TAF4: variants seen among roughly 807,000 people sequenced by gnomAD.
TAF4 encodes transcription initiation factor TFIID subunit 4.
A neutral mutation model predicts 90.3 loss-of-function variants in TAF4; 9 were observed. The observed-to-expected ratio is 0.10, with a 90% CI of 0.06 to 0.17. The LOEUF (loss-of-function observed/expected upper bound fraction) is 0.17. Among genes scored for constraint, TAF4 ranks in the 10% least tolerant of loss-of-function variants. TAF4 has a pLI of 1.00. For synonymous variants in TAF4, 818 were observed against 638.9 expected, an observed-to-expected ratio of 1.28 and a Z score of -4.23; for missense variants, 1,351 against 1,370.7, an observed-to-expected ratio of 0.99 and a Z score of 0.23.
intron 1 of TAF4, among the ~76,000 whole-genome samples, chr20:62,025,686 T>G (rs2055870727): frequency 6.6e-6 from 1 of 152,220 alleles, no homozygotes; most frequent in Non-Finnish European, 1.5e-5. Context: ...TGTGGAACTG[T>G]GAGTCAATTC....
intron 14 of TAF4, chr20:61,978,868 G>C (rs899244873): frequency 1.3e-5 from 2 of 153,026 alleles, no homozygotes; most frequent in African/African-American, 4.8e-5. Context: ...GATTCTGTGA[G>C]TTTTATCAAT....
At chr20:62,016,875 C>T (rs1221643268) in intron 1 of TAF4, among the ~76,000 whole-genome samples, 1 of 152,144 alleles carries the variant, frequency 6.6e-6, no homozygotes. Context: ...TGTGGTGGCT[C>T]ACACCTGAAA....
chr20:61,992,799 G>A (rs890382156), intron 14 of TAF4, among the ~76,000 whole-genome samples: 2 of 152,116 alleles, frequency 1.3e-5, no homozygotes, highest in African/African-American at 4.8e-5. Flanking sequence ...ACGTCCAGAC[G>A]GCAAGGACAT....
chr20:62,062,007 C>T (rs559152786), intron 1 of TAF4, among the ~76,000 whole-genome samples: 2 of 152,202 alleles, frequency 1.3e-5, no homozygotes, highest in African/African-American at 2.4e-5. Context: ...AAGACCTCCA[C>T]GGAGGGAAGG....
At chr20:61,998,089 A>G in intron 13 of TAF4, 47 bp downstream of exon 13, 1 of 1,594,698 alleles carries the variant, frequency 6.3e-7, no homozygotes, top group Non-Finnish European at 8.6e-7. Flanking sequence ...GGGGCGCTAC[A>G]GTGCACAGCA....
intron 14 of TAF4, among the ~76,000 whole-genome samples, chr20:61,979,546 G>A (rs1224656865): frequency 6.8e-6 from 1 of 147,560 alleles, no homozygotes; most frequent in Non-Finnish European, 1.5e-5. Context: ...AGGCGCCATG[G>A]CCACTCCAGA....
At chr20:62,031,544 C>T (rs2055904424) in intron 1 of TAF4, among the ~76,000 whole-genome samples, 1 of 152,200 alleles carries the variant, frequency 6.6e-6, no homozygotes, top group Non-Finnish European at 1.5e-5. Context: ...TTTGGGCATT[C>T]CCTTTGCCTT....
chr20:62,049,641 C>A (rs183448630), intron 1 of TAF4, among the ~76,000 whole-genome samples: 4,110 of 152,034 alleles, frequency 0.027, 204 homozygotes, highest in African/African-American at 0.094. Flanking sequence ...CTGCCCCAGC[C>A]CCGCACCCTG....
chr20:62,017,128 G>C (rs2055816376), intron 1 of TAF4, among the ~76,000 whole-genome samples: 1 of 151,154 alleles, frequency 6.6e-6, no homozygotes, highest in Admixed American at 6.6e-5. Context: ...ACCACAGAGT[G>C]AGACCCCATC....
At chr20:62,000,868 T>G in intron 9 of TAF4, 147 bp from the exon 10 acceptor site, 2 of 775,692 alleles carry the variant, frequency 2.6e-6, no homozygotes, top group Non-Finnish European at 4.1e-6. Flanking sequence ...ACCTGCTGCA[T>G]CTGCCACAGC....
intron 14 of TAF4, chr20:61,980,128 C>G (rs2055530105): frequency 6.6e-6 from 1 of 152,422 alleles, no homozygotes; most frequent in African/African-American, 2.4e-5. Flanking sequence ...AGGTCCCCAC[C>G]TCTGACGCAT....
At chr20:61,990,437 C>T (rs529641214) in intron 14 of TAF4, among the ~76,000 whole-genome samples, 2 of 152,272 alleles carry the variant, frequency 1.3e-5, no homozygotes, top group South Asian at 2.1e-4. Flanking sequence ...AAAAGAGCAA[C>T]GACACAGCAA....
chr20:61,988,264 C>T (rs999638503), intron 14 of TAF4, among the ~76,000 whole-genome samples: 2 of 90,952 alleles, frequency 2.2e-5, no homozygotes, highest in South Asian at 6.5e-4. Context: ...ACGCACCACC[C>T]GGCCAAGCGG....
chr20:62,021,612 C>T (rs1415131202), intron 1 of TAF4, among the ~76,000 whole-genome samples: 2 of 152,234 alleles, frequency 1.3e-5, no homozygotes, highest in African/African-American at 4.8e-5. Flanking sequence ...CAGACGGTCG[C>T]TAGCTGACAC....
chr20:61,977,482 T>C (rs1178317447), intron 14 of TAF4, among the ~76,000 whole-genome samples: 3 of 152,202 alleles, frequency 2.0e-5, no homozygotes, highest in African/African-American at 7.2e-5. Context: ...AGCCCTGACA[T>C]GGCCCCGCCC....
intron 1 of TAF4, among the ~76,000 whole-genome samples, chr20:62,048,193 G>A (rs1017006138): frequency 1.3e-4 from 20 of 152,218 alleles, no homozygotes; most frequent in Non-Finnish European, 2.9e-5. Flanking sequence ...GCAGGCTGGC[G>A]CGTGCCTGCC....
At chr20:62,023,260 G>A (rs2055853951) in intron 1 of TAF4, among the ~76,000 whole-genome samples, 1 of 152,196 alleles carries the variant, frequency 6.6e-6, no homozygotes, top group South Asian at 2.1e-4. Context: ...AGGCCAACAT[G>A]GTGAATCCCT....
At chr20:61,998,559 AGT>A (rs1163127860) in intron 12 of TAF4, among the ~76,000 whole-genome samples, 16 of 152,198 alleles carry the variant, frequency 1.1e-4, no homozygotes, top group Non-Finnish European at 2.4e-4. Flanking sequence ...GATCAAAGCA[AGT>A]GCTCCTCCCA....
At chr20:62,021,344 G>A (rs1002206117) in intron 1 of TAF4, among the ~76,000 whole-genome samples, 14 of 152,278 alleles carry the variant, frequency 9.2e-5, no homozygotes, top group Admixed American at 3.3e-4. Context: ...GGATGAAGCA[G>A]AAGGGAGGAA....
Sources: allele counts gnomAD v4.1 joint callset (sites outside exome capture counted in the v4.1 genomes callset), GRCh38; gene constraint gnomAD v4.1.1; transcripts MANE v1.5; gene names NCBI Gene and HGNC (gene_info 2026-07-23, HGNC 2026-07-21).